The following RARB variants were observed in gnomAD, a reference collection of about 807,000 sequenced individuals.
RARB encodes retinoic acid receptor beta.
RARB carries 17 observed loss-of-function variants against 51.9 expected under a neutral mutation model. The ratio of observed to expected loss-of-function variants is 0.33; its 90% confidence interval spans 0.22 to 0.49. The LOEUF is 0.49. RARB is among the 20% of genes least tolerant of loss of function. The pLI is 0.99. For synonymous variants in RARB, 215 were observed against 195.4 expected, an observed-to-expected ratio of 1.10 and a Z score of -0.84; for missense variants, 369 against 550.8, an observed-to-expected ratio of 0.67 and a Z score of 3.30.
chr3:25,561,743 T>C (rs1212429019), intron 3 of RARB, among the ~76,000 whole-genome samples: 3 of 152,226 alleles, frequency 2.0e-5, no homozygotes, highest in South Asian at 2.1e-4. Context: ...TAAAAATGTA[T>C]TGGCTTTTAA....
At chr3:25,154,178 G>T (rs552201579) in intron 4 of RARB, among the ~76,000 whole-genome samples, 1 of 152,088 alleles carries the variant, frequency 6.6e-6, no homozygotes, top group Non-Finnish European at 1.5e-5. Context: ...GATTTGACTT[G>T]TTTTCACATC....
At chr3:25,041,392 A>T (rs1310856296) in intron 2 of RARB, among the ~76,000 whole-genome samples, 1 of 152,188 alleles carries the variant, frequency 6.6e-6, no homozygotes, top group Non-Finnish European at 1.5e-5. Flanking sequence ...TTTTACTTGG[A>T]AAGTTCATAG....
chr3:25,077,540 G>T (rs1698895610), intron 3 of RARB, among the ~76,000 whole-genome samples: 1 of 152,170 alleles, frequency 6.6e-6, no homozygotes, highest in Non-Finnish European at 1.5e-5. Flanking sequence ...CTGCTGAGAA[G>T]TAGTCAATGG....
At chr3:25,497,983 T>C (rs1160783356) in intron 2 of RARB, among the ~76,000 whole-genome samples, 2 of 152,196 alleles carry the variant, frequency 1.3e-5, no homozygotes, top group African/African-American at 4.8e-5. Context: ...GTGTGTCTCA[T>C]GCTGGCCAAG....
At chr3:25,578,879 T>G (rs1203241493) in intron 4 of RARB, among the ~76,000 whole-genome samples, 1 of 152,224 alleles carries the variant, frequency 6.6e-6, no homozygotes, top group Non-Finnish European at 1.5e-5. Flanking sequence ...AGATATCAGT[T>G]TGAGAAACAC....
At chr3:24,893,815 G>A (rs1026990152) in intron 2 of RARB, among the ~76,000 whole-genome samples, 3 of 151,936 alleles carry the variant, frequency 2.0e-5, no homozygotes, top group Non-Finnish European at 2.9e-5. Context: ...GTGAGCCACC[G>A]TGCCCAGCTG....
intron 4 of RARB, among the ~76,000 whole-genome samples, chr3:25,138,638 T>C (rs554704639): frequency 3.9e-5 from 6 of 152,266 alleles, no homozygotes; most frequent in African/African-American, 1.4e-4. Flanking sequence ...TTATGTTTAT[T>C]ACAGTTATCA....
At chr3:24,983,415 G>GT (rs1157577571) in intron 2 of RARB, among the ~76,000 whole-genome samples, 2 of 151,910 alleles carry the variant, frequency 1.3e-5, no homozygotes, top group Admixed American at 6.6e-5. Context: ...TGTGCAGAAT[G>GT]TGCTGGTTTG....
intron 2 of RARB, among the ~76,000 whole-genome samples, chr3:24,896,881 A>C (rs1446836197): frequency 6.6e-6 from 1 of 152,196 alleles, no homozygotes; most frequent in Non-Finnish European, 1.5e-5. Flanking sequence ...ATGAAAACTG[A>C]ACTAGAAAAA....
intron 3 of RARB, among the ~76,000 whole-genome samples, chr3:25,122,162 T>C (rs931262393): frequency 5.9e-5 from 9 of 152,256 alleles, no homozygotes; most frequent in African/African-American, 2.2e-4. Flanking sequence ...TGGCATATCT[T>C]TGTGAAGCTG....
chr3:25,437,800 A>G (rs771171832), intron 1 of RARB, among the ~76,000 whole-genome samples: 2 of 152,202 alleles, frequency 1.3e-5, no homozygotes, highest in Non-Finnish European at 2.9e-5. Flanking sequence ...ATAAGTGCAC[A>G]CCTTCCAAAC....
At chr3:25,115,851 G>A (rs1014378877) in intron 3 of RARB, among the ~76,000 whole-genome samples, 4 of 151,978 alleles carry the variant, frequency 2.6e-5, no homozygotes, top group Admixed American at 6.6e-5. Context: ...GGCTGATCTC[G>A]AACTTCTGGC....
chr3:24,865,944 A>G (rs950031588), intron 2 of RARB, among the ~76,000 whole-genome samples: 1 of 152,104 alleles, frequency 6.6e-6, no homozygotes, highest in African/African-American at 2.4e-5. Flanking sequence ...TTTGGCCTGA[A>G]TGTGCCACAC....
chr3:25,016,530 C>T (rs182575174), intron 2 of RARB, among the ~76,000 whole-genome samples: 1 of 152,198 alleles, frequency 6.6e-6, no homozygotes, highest in East Asian at 1.9e-4. Flanking sequence ...AATGTTCCAA[C>T]GTTACTGGTT....
intron 4 of RARB, among the ~76,000 whole-genome samples, chr3:25,163,991 G>A (rs1700520179): frequency 1.3e-5 from 2 of 152,118 alleles, no homozygotes; most frequent in African/African-American, 4.8e-5. Flanking sequence ...TCTCCAAAGA[G>A]CTTGGTATGG....
At chr3:25,202,873 A>G (rs879850623) in intron 5 of RARB, among the ~76,000 whole-genome samples, 21 of 152,164 alleles carry the variant, frequency 1.4e-4, no homozygotes, top group Non-Finnish European at 2.2e-4. Context: ...TCAATTTTGG[A>G]ATAACTGCAA....
intron 2 of RARB, among the ~76,000 whole-genome samples, chr3:25,045,365 G>C (rs925295818): frequency 1.3e-5 from 2 of 152,166 alleles, no homozygotes; most frequent in Non-Finnish European, 2.9e-5. Flanking sequence ...CAGGAGGGGG[G>C]TTTATCAGGA....
intron 2 of RARB, among the ~76,000 whole-genome samples, chr3:24,897,862 T>C (rs1233109596): frequency 1.3e-5 from 2 of 152,306 alleles, no homozygotes; most frequent in Non-Finnish European, 1.5e-5. Flanking sequence ...TAATTTGCAT[T>C]GTGAATTGCC....
At chr3:25,452,672 G>A (rs1575417214) in intron 1 of RARB, among the ~76,000 whole-genome samples, 1 of 147,700 alleles carries the variant, frequency 6.8e-6, no homozygotes, top group African/African-American at 2.5e-5. Context: ...AGCGGGGGGG[G>A]TTTGGTGAGA....
Sources: allele counts gnomAD v4.1 joint callset (sites outside exome capture counted in the v4.1 genomes callset), GRCh38; gene constraint gnomAD v4.1.1; transcripts MANE v1.5; gene names NCBI Gene and HGNC (gene_info 2026-07-23, HGNC 2026-07-21).